Variants in COG5 observed in about 807,000 individuals in gnomAD.
The protein encoded by COG5 is conserved oligomeric Golgi complex subunit 5.
Under a neutral mutation model 110.4 loss-of-function variants are expected in COG5, and 86 were observed. That is an observed-to-expected ratio of 0.78 (90% CI 0.65 to 0.93). COG5 has a LOEUF of 0.93. Among genes scored for constraint, COG5 ranks in the 40% least tolerant of loss-of-function variants. The probability of loss-of-function intolerance (pLI) is 0.00; values close to 1 mark genes in which losing one functional copy is unlikely to be tolerated. For synonymous variants in COG5, 360 were observed against 334.6 expected (o/e 1.08, Z -0.83); for missense variants, 1,077 against 987.0 (o/e 1.09, Z -1.22).
chr7:107,385,759 A>G (rs1790139016), intron 7 of COG5, among the ~76,000 whole-genome samples: 1 of 151,962 alleles, frequency 6.6e-6, no homozygotes. Flanking sequence ...ACAACAGTGC[A>G]GAAAGATTCC....
intron 19 of COG5, among the ~76,000 whole-genome samples, chr7:107,213,650 A>G (rs529962679): frequency 7.9e-5 from 12 of 152,250 alleles, no homozygotes; most frequent in Non-Finnish European, 1.6e-4. Flanking sequence ...AGCCGCATCC[A>G]AACTCAGAGC....
At chr7:107,298,068 AAAAAT>A (rs2116914942) in intron 12 of COG5, 69 bp downstream of exon 12, 3 of 665,572 alleles carry the variant, frequency 4.5e-6, no homozygotes, top group Non-Finnish European at 6.7e-6. Flanking sequence ...AATTTAAAAT[AAAAAT>A]AAAAGATAAA....
intron 19 of COG5, among the ~76,000 whole-genome samples, chr7:107,224,323 C>T (rs1232432973): frequency 6.6e-6 from 1 of 152,158 alleles, no homozygotes; most frequent in Non-Finnish European, 1.5e-5. Context: ...AACTGTAGAC[C>T]TAGAAAACCC....
chr7:107,417,699 A>T lies in COG5; in HGVS notation c.539-5067T>A, dbSNP rs186386350. 2.0e-5 allele frequency among the ~76,000 whole-genome samples: 3 copies of T among 152,292 alleles called. No homozygotes were observed. In the East Asian group the frequency reaches 5.8e-4, roughly 29 times the overall value. On this transcript the variant is annotated intron_variant, in intron 6 of 21. Transcript: ENST00000297135. Reference sequence around the variant, plus strand: ...TGGGAGTAATTTAACCACAGATAGCACTGGATATTACTACTGTTTTTGAAT... The same window carrying T: ...TGGGAGTAATTTAACCACAGATAGCTCTGGATATTACTACTGTTTTTGAAT...
At chr7:107,312,360 T>C (rs2117000787) in intron 11 of COG5, among the ~76,000 whole-genome samples, 1 of 152,210 alleles carries the variant, frequency 6.6e-6, no homozygotes, top group East Asian at 1.9e-4. Context: ...CAGAAGCTTT[T>C]TGCAGAGCCC....
At chr7:107,382,174 G>T (rs1370036185) in intron 7 of COG5, among the ~76,000 whole-genome samples, 1 of 152,136 alleles carries the variant, frequency 6.6e-6, no homozygotes, top group Non-Finnish European at 1.5e-5. Context: ...CTGACCTGTG[G>T]TCAGTAAAGA....
At chr7:107,379,246 TG>T (rs1333034314) in intron 7 of COG5, among the ~76,000 whole-genome samples, 1 of 152,168 alleles carries the variant, frequency 6.6e-6, no homozygotes, top group Admixed American at 6.5e-5. Context: ...CCACCAGGCC[TG>T]CCTTACAAGA....
intron 21 of COG5, chr7:107,210,031 G>C: frequency 9.8e-7 from 1 of 1,018,380 alleles, no homozygotes; most frequent in Non-Finnish European, 1.2e-6. Flanking sequence ...GAGCACATGC[G>C]TATGTATGTG....
chr7:107,282,167 T>G (rs182685202), intron 13 of COG5, among the ~76,000 whole-genome samples: 2 of 152,322 alleles, frequency 1.3e-5, no homozygotes, highest in African/African-American at 2.4e-5. Context: ...GTTGAAAGTT[T>G]GAAACAATAC....
chr7:107,531,170 C>A (rs1801176048), intron 5 of COG5, among the ~76,000 whole-genome samples: 1 of 151,956 alleles, frequency 6.6e-6, no homozygotes, highest in African/African-American at 2.4e-5. Context: ...GATCATCTGT[C>A]CTAAAGTTTC....
intron 6 of COG5, among the ~76,000 whole-genome samples, chr7:107,519,367 T>C (rs1160654729): frequency 6.6e-6 from 1 of 151,856 alleles, no homozygotes; most frequent in African/African-American, 2.4e-5. Context: ...CAGGAGCTGG[T>C]TTTTTGAAAA....
At chr7:107,433,860 TCA>T (rs1290969312) in intron 6 of COG5, among the ~76,000 whole-genome samples, 1 of 152,110 alleles carries the variant, frequency 6.6e-6, no homozygotes, top group Non-Finnish European at 1.5e-5. Context: ...ATACCACAAT[TCA>T]CAGAGTGAAA....
chr7:107,270,871 C>G (rs919737651), intron 14 of COG5, among the ~76,000 whole-genome samples: 3 of 137,096 alleles, frequency 2.2e-5, no homozygotes, highest in African/African-American at 8.1e-5. Context: ...ACTTCATTAT[C>G]CTAACTAGAA....
chr7:107,451,032 A>G (rs1795299801), intron 6 of COG5, among the ~76,000 whole-genome samples: 1 of 152,228 alleles, frequency 6.6e-6, no homozygotes, highest in Admixed American at 6.5e-5. Flanking sequence ...AGGGCTGTCA[A>G]TGCTATAGAA....
intron 6 of COG5, among the ~76,000 whole-genome samples, chr7:107,423,319 GA>G (rs1793419686): frequency 6.6e-6 from 1 of 152,088 alleles, no homozygotes; most frequent in Non-Finnish European, 1.5e-5. Flanking sequence ...TTAAAAAGAA[GA>G]TATAACTATG....
intron 10 of COG5, among the ~76,000 whole-genome samples, chr7:107,345,034 G>T (rs572741558): frequency 6.6e-6 from 1 of 152,238 alleles, no homozygotes; most frequent in South Asian, 2.1e-4. Context: ...CCTGTCACTT[G>T]AACACTTAGA....
At chr7:107,499,024 G>A (rs1043756932) in intron 6 of COG5, among the ~76,000 whole-genome samples, 1 of 152,166 alleles carries the variant, frequency 6.6e-6, no homozygotes, top group Non-Finnish European at 1.5e-5. Flanking sequence ...TGGATATTAT[G>A]CTTAGTAAAA....
At chr7:107,354,356 C>A (rs1189696569) in intron 10 of COG5, among the ~76,000 whole-genome samples, 1 of 152,142 alleles carries the variant, frequency 6.6e-6, no homozygotes, top group Non-Finnish European at 1.5e-5. Flanking sequence ...AGTTTATGAA[C>A]CCTATATAAA....
At chr7:107,301,310 A>T (rs1372240045) in intron 11 of COG5, among the ~76,000 whole-genome samples, 1 of 152,210 alleles carries the variant, frequency 6.6e-6, no homozygotes, top group Non-Finnish European at 1.5e-5. Flanking sequence ...CGGCTAAGAA[A>T]ATGAAAATAC....
Sources: gnomAD v4.1 joint callset for allele counts (sites outside exome capture counted in the v4.1 genomes callset) on GRCh38, gnomAD v4.1.1 for gene constraint, MANE v1.5 for transcripts, NCBI Gene and HGNC (gene_info 2026-07-23, HGNC 2026-07-21) for gene names.